Variants in KCNIP4 observed in about 807,000 individuals in gnomAD.
KCNIP4 encodes the protein Kv channel-interacting protein 4.
A neutral mutation model predicts 34.0 loss-of-function variants in KCNIP4; 12 were observed. The ratio of observed to expected loss-of-function variants is 0.35; its 90% CI spans 0.23 to 0.57. The LOEUF (loss-of-function observed/expected upper bound fraction) is 0.57, where lower values mean the gene tolerates loss of function less well. Ranked by LOEUF, KCNIP4 falls within the 20% of genes least tolerant of loss-of-function variation. The pLI, the probability that KCNIP4 is intolerant of heterozygous loss-of-function variation, is 0.83. For missense variants in KCNIP4, 238 were observed against 311.7 expected, an observed-to-expected ratio of 0.76 and a Z score of 1.78; for synonymous variants, 124 against 102.2, an observed-to-expected ratio of 1.21 and a Z score of -1.29.
At chr4:21,545,719 C>A (rs2109006925) in intron 1 of KCNIP4, among the ~76,000 whole-genome samples, 1 of 152,174 alleles carries the variant, frequency 6.6e-6, no homozygotes, top group Middle Eastern at 3.4e-3. Flanking sequence ...TGAACTCATC[C>A]TTTTTTATGG....
chr4:21,416,786 C>G (rs1014447116), intron 1 of KCNIP4, among the ~76,000 whole-genome samples: 2 of 152,062 alleles, frequency 1.3e-5, no homozygotes, highest in African/African-American at 4.8e-5. Context: ...CTTTCCTGAC[C>G]TATCATGGGA....
At chr4:20,921,789 G>A (rs1009411319) in intron 1 of KCNIP4, among the ~76,000 whole-genome samples, 4 of 152,262 alleles carry the variant, frequency 2.6e-5, no homozygotes, top group Non-Finnish European at 4.4e-5. Flanking sequence ...AATAAGCTTT[G>A]TTGAATTGCT....
intron 1 of KCNIP4, among the ~76,000 whole-genome samples, chr4:21,143,702 A>G: frequency 7.2e-6 from 1 of 138,738 alleles, no homozygotes; most frequent in Admixed American, 7.1e-5. Flanking sequence ...CACAGCCATC[A>G]CAGTTTCTTT....
intron 1 of KCNIP4, among the ~76,000 whole-genome samples, chr4:21,643,142 A>T (rs1242687344): frequency 6.6e-6 from 1 of 152,172 alleles, no homozygotes; most frequent in Non-Finnish European, 1.5e-5. Flanking sequence ...TTTGTTATGA[A>T]TATGTTCAAG....
rs1040012732 is a variant in KCNIP4 at position 20,920,296 on chromosome 4, G to A, written c.62-37587C>T. 3.3e-5 allele frequency among the ~76,000 whole-genome samples: 5 copies of A among 152,108 alleles called. No individual in the cohort carries two copies. The East Asian group carries it at 7.7e-4, about 23-fold the overall frequency. ...TGAACAATTCCTGGACAGCCCTGCC[G>A]ATATGGACTAGGAAAAAATTAATTG... On this transcript the variant is annotated intron_variant, in intron 1 of 8. Transcript: ENST00000382152.
chr4:21,945,044 T>TA (rs1457313753), intron 1 of KCNIP4, among the ~76,000 whole-genome samples: 2 of 151,996 alleles, frequency 1.3e-5, no homozygotes, highest in Admixed American at 1.3e-4. Flanking sequence ...GGCTATTAAG[T>TA]AAAAAAACAC....
intron 3 of KCNIP4, among the ~76,000 whole-genome samples, chr4:20,842,279 T>C (rs1035452828): frequency 6.6e-6 from 1 of 152,120 alleles, no homozygotes; most frequent in African/African-American, 2.4e-5. Context: ...GTTGTCCTGA[T>C]GAAGAAGGGA....
intron 3 of KCNIP4, among the ~76,000 whole-genome samples, chr4:20,772,567 A>C (rs1322113156): frequency 6.6e-6 from 1 of 152,178 alleles, no homozygotes; most frequent in Non-Finnish European, 1.5e-5. Flanking sequence ...AGGCAGGTTC[A>C]GGACAGGTCA....
At chr4:21,811,775 C>G (rs549041222) in intron 1 of KCNIP4, among the ~76,000 whole-genome samples, 32 of 152,250 alleles carry the variant, frequency 2.1e-4, no homozygotes, top group Non-Finnish European at 1.3e-4. Flanking sequence ...GGATAGCTAG[C>G]ATGATGCTTG....
At position 21,079,758 on chromosome 4, in the gene KCNIP4, G is replaced by T. The variant is rs115668437; in HGVS notation, c.62-197049C>A. On this transcript the variant is annotated intron_variant, in intron 1 of 8. Coordinates refer to ENST00000382152, the MANE Select transcript of KCNIP4 (RefSeq NM_025221.6). ...AAATCAGTTCAGTGTAACCATAATG[G>T]TTCTTATAAGTGAAAAAGGGAGGCA... 4.6e-3 allele frequency among the ~76,000 whole-genome samples: 698 copies of T among 151,866 alleles called. 18 individuals carry two copies. Among genetic ancestry groups the T allele is most frequent in the African/African-American group, 0.016 (664 of 41,292 alleles).
At chr4:21,258,275 C>G (rs1211481965) in intron 1 of KCNIP4, among the ~76,000 whole-genome samples, 1 of 152,126 alleles carries the variant, frequency 6.6e-6, no homozygotes, top group African/African-American at 2.4e-5. Flanking sequence ...TCAAGCTTTA[C>G]TCTTAACACT....
chr4:20,992,992 C>T (rs1016660582), intron 1 of KCNIP4, among the ~76,000 whole-genome samples: 3 of 131,248 alleles, frequency 2.3e-5, no homozygotes, highest in African/African-American at 9.0e-5. Flanking sequence ...CATGCCACTG[C>T]ACTCCAGCAC....
intron 1 of KCNIP4, among the ~76,000 whole-genome samples, chr4:21,462,356 C>G (rs775779205): frequency 7.9e-5 from 12 of 152,098 alleles, no homozygotes; most frequent in Non-Finnish European, 1.5e-4. Flanking sequence ...TCACGTCTTA[C>G]GTGGATGGCG....
intron 1 of KCNIP4, among the ~76,000 whole-genome samples, chr4:20,960,348 T>G (rs992420430): frequency 7.9e-5 from 12 of 152,240 alleles, no homozygotes; most frequent in Non-Finnish European, 1.8e-4. Flanking sequence ...AGGTTTCTAT[T>G]AAATGACTTT....
intron 1 of KCNIP4, among the ~76,000 whole-genome samples, chr4:21,190,176 A>G (rs973084461): frequency 2.6e-4 from 39 of 152,270 alleles, no homozygotes; most frequent in African/African-American, 8.7e-4. Context: ...TTAGTTGGTA[A>G]TATTGTTGTT....
At chr4:21,337,358 A>G (rs902084836) in intron 1 of KCNIP4, among the ~76,000 whole-genome samples, 2 of 152,144 alleles carry the variant, frequency 1.3e-5, no homozygotes, top group Admixed American at 6.5e-5. Flanking sequence ...CATGAAACCA[A>G]TTTCTTCTGA....
At chr4:21,213,715 T>C (rs1174164770) in intron 1 of KCNIP4, among the ~76,000 whole-genome samples, 1 of 152,174 alleles carries the variant, frequency 6.6e-6, no homozygotes, top group Non-Finnish European at 1.5e-5. Flanking sequence ...CAAGTTATTT[T>C]CAGTTAAAGA....
intron 1 of KCNIP4, among the ~76,000 whole-genome samples, chr4:21,506,468 G>T (rs915654959): frequency 2.0e-5 from 3 of 152,100 alleles, no homozygotes; most frequent in African/African-American, 7.2e-5. Flanking sequence ...TCTCAATACT[G>T]GCAATTTAAT....
At chr4:21,198,753 C>G (rs1388995989) in intron 1 of KCNIP4, among the ~76,000 whole-genome samples, 1 of 152,186 alleles carries the variant, frequency 6.6e-6, no homozygotes, top group Non-Finnish European at 1.5e-5. Flanking sequence ...ACTGTTATAT[C>G]TATCCTCTTC....
Sources: gnomAD v4.1 joint callset for allele counts (sites outside exome capture counted in the v4.1 genomes callset) on GRCh38, gnomAD v4.1.1 for gene constraint, MANE v1.5 for transcripts, NCBI Gene and HGNC (gene_info 2026-07-23, HGNC 2026-07-21) for gene names.